The following TRPS1 variants were observed in gnomAD, a reference collection of about 807,000 sequenced individuals.
The protein encoded by TRPS1 is zinc finger transcription factor Trps1.
Under a neutral mutation model 101.2 loss-of-function variants are expected in TRPS1, and 6 were observed. That is an observed-to-expected ratio of 0.06 (90% CI 0.03 to 0.12). The LOEUF is 0.12. Ranked by LOEUF, TRPS1 falls within the 10% of genes least tolerant of loss-of-function variation. The pLI is 1.00. For missense variants in TRPS1, 1,363 were observed against 1,567.0 expected (o/e 0.87, Z 2.20); for synonymous variants, 578 against 589.8 (o/e 0.98, Z 0.29).
Position 115,514,437 on chromosome 8 carries a change from C to A in TRPS1, c.2700+72564G>T, listed in dbSNP as rs193026039. 1.1e-3 allele frequency among the ~76,000 whole-genome samples: 162 copies of A among 151,660 alleles called. 1 individual carries two copies. Among genetic ancestry groups the A allele is most frequent in the African/African-American group, 3.7e-3 (152 of 41,460 alleles). ...GGAAAATGGGAGTAATATCACTATA[C>A]CTCTTTTATTAGATAAAGGCATATA... On this transcript the variant is annotated intron_variant, in intron 5 of 6. Transcript: ENST00000395715.
At chr8:115,576,786 A>T (rs942077700) in intron 5 of TRPS1, among the ~76,000 whole-genome samples, 11 of 152,198 alleles carry the variant, frequency 7.2e-5, no homozygotes, top group African/African-American at 2.7e-4. Context: ...CTTCAAAAAT[A>T]TTTTAATCAC....
At chr8:115,585,825 C>T (rs1817549879) in intron 5 of TRPS1, among the ~76,000 whole-genome samples, 1 of 152,156 alleles carries the variant, frequency 6.6e-6, no homozygotes, top group Non-Finnish European at 1.5e-5. Flanking sequence ...AAGTCCTTCT[C>T]TTAGCTCCAG....
chr8:115,489,235 G>A (rs1814961658), intron 5 of TRPS1, among the ~76,000 whole-genome samples: 1 of 152,076 alleles, frequency 6.6e-6, no homozygotes, highest in African/African-American at 2.4e-5. Context: ...ACTGCATATG[G>A]GAACATATTG....
At chr8:115,417,777 C>T (rs1414129113) in intron 6 of TRPS1, among the ~76,000 whole-genome samples, 2 of 152,132 alleles carry the variant, frequency 1.3e-5, no homozygotes, top group African/African-American at 4.8e-5. Flanking sequence ...CATTGAAATA[C>T]CCACTGAAGG....
chr8:115,529,461 C>T (rs1816078442), intron 5 of TRPS1, among the ~76,000 whole-genome samples: 1 of 151,976 alleles, frequency 6.6e-6, no homozygotes, highest in Non-Finnish European at 1.5e-5. Context: ...AAGGCATGAT[C>T]CGGAAATCAC....
intron 5 of TRPS1, among the ~76,000 whole-genome samples, chr8:115,525,789 G>GAAAATTTCCAACATCACA (rs1815981736): frequency 6.6e-6 from 1 of 152,142 alleles, no homozygotes; most frequent in Non-Finnish European, 1.5e-5. Flanking sequence ...ACATACTATA[G>GAAAATTTCCAACATCACA]AAAATTTCCA....
intron 5 of TRPS1, among the ~76,000 whole-genome samples, chr8:115,527,126 G>T (rs1192552338): frequency 1.3e-5 from 2 of 152,054 alleles, no homozygotes; most frequent in Non-Finnish European, 2.9e-5. Context: ...TCAAGAATTT[G>T]ATAAAGAGAA....
chr8:115,632,192 T>C (rs1818661259), intron 1 of TRPS1, among the ~76,000 whole-genome samples: 1 of 152,142 alleles, frequency 6.6e-6, no homozygotes, highest in African/African-American at 2.4e-5. Flanking sequence ...TCATATGGTA[T>C]GTAATAGGTT....
intron 5 of TRPS1, among the ~76,000 whole-genome samples, chr8:115,528,937 C>T (rs930411825): frequency 2.6e-5 from 4 of 151,928 alleles, no homozygotes; most frequent in African/African-American, 9.7e-5. Flanking sequence ...AGTAGCTAAA[C>T]ATTATGAGGA....
At chr8:115,445,851 A>C (rs1563736463) in intron 5 of TRPS1, among the ~76,000 whole-genome samples, 1 of 152,178 alleles carries the variant, frequency 6.6e-6, no homozygotes, top group Non-Finnish European at 1.5e-5. Context: ...TATAAATATC[A>C]ATGCATAAGG....
At chr8:115,623,372 G>A (rs1476305319) in intron 2 of TRPS1, among the ~76,000 whole-genome samples, 3 of 151,840 alleles carry the variant, frequency 2.0e-5, no homozygotes, top group Non-Finnish European at 2.9e-5. Flanking sequence ...AATTTTACTG[G>A]AATTATATCA....
At chr8:115,537,726 G>A (rs966583833) in intron 5 of TRPS1, among the ~76,000 whole-genome samples, 9 of 152,156 alleles carry the variant, frequency 5.9e-5, no homozygotes, top group African/African-American at 2.2e-4. Context: ...TTTAAAAATT[G>A]TATTTATTAT....
At chr8:115,583,995 G>C (rs959622809) in intron 5 of TRPS1, among the ~76,000 whole-genome samples, 5 of 151,672 alleles carry the variant, frequency 3.3e-5, no homozygotes, top group Non-Finnish European at 7.4e-5. Context: ...TCCTCACTTT[G>C]AGAAGTACAG....
intron 5 of TRPS1, among the ~76,000 whole-genome samples, chr8:115,540,483 G>A (rs943171339): frequency 6.6e-6 from 1 of 152,014 alleles, no homozygotes; most frequent in Non-Finnish European, 1.5e-5. Context: ...GATTCTTGAA[G>A]AGGTGAATAA....
At chr8:115,593,195 CT>C (rs1718010744) in intron 4 of TRPS1, among the ~76,000 whole-genome samples, 1 of 152,114 alleles carries the variant, frequency 6.6e-6, no homozygotes, top group Admixed American at 6.6e-5. Flanking sequence ...ACATTCACAG[CT>C]TTATAAAATA....
intron 5 of TRPS1, among the ~76,000 whole-genome samples, chr8:115,531,007 C>T (rs1177138526): frequency 3.3e-5 from 5 of 151,960 alleles, no homozygotes. Context: ...TGCAGCACAC[C>T]AACATGGCAC....
At chr8:115,484,389 T>C (rs936077116) in intron 5 of TRPS1, among the ~76,000 whole-genome samples, 16 of 152,244 alleles carry the variant, frequency 1.1e-4, no homozygotes, top group Non-Finnish European at 2.2e-4. Context: ...ATTTCCAAAT[T>C]TTATCTGAGA....
chr8:115,522,280 T>C (rs1408768538), intron 5 of TRPS1, among the ~76,000 whole-genome samples: 1 of 151,942 alleles, frequency 6.6e-6, no homozygotes, highest in Non-Finnish European at 1.5e-5. Context: ...TGTGATGGCA[T>C]TTATGAGCTT....
At chr8:115,449,956 A>ACACAC (rs1813826159) in intron 5 of TRPS1, among the ~76,000 whole-genome samples, 2 of 146,922 alleles carry the variant, frequency 1.4e-5, no homozygotes, top group African/African-American at 2.5e-5. Context: ...TATGTGATTT[A>ACACAC]ACACACACAC....
Sources: allele counts gnomAD v4.1 joint callset (sites outside exome capture counted in the v4.1 genomes callset), GRCh38; gene constraint gnomAD v4.1.1; transcripts MANE v1.5; gene names NCBI Gene and HGNC (gene_info 2026-07-23, HGNC 2026-07-21).